The following GALNT18 variants were observed in gnomAD, a reference collection of about 807,000 sequenced individuals.
The protein encoded by GALNT18 is polypeptide N-acetylgalactosaminyltransferase 18.
A neutral mutation model predicts 69.5 loss-of-function variants in GALNT18; 44 were observed. The observed-to-expected ratio is 0.63, with a 90% CI of 0.50 to 0.81. The LOEUF is 0.81. GALNT18 is among the 40% of genes least tolerant of loss of function. The pLI, the probability that GALNT18 is intolerant of heterozygous loss-of-function variation, is 0.00. For missense variants in GALNT18, 715 were observed against 810.0 expected (o/e 0.88, Z 1.42); for synonymous variants, 364 against 318.2 (o/e 1.14, Z -1.53).
Position 11,314,014 on chromosome 11 carries a change from A to T in GALNT18, c.1512+13072T>A, listed in dbSNP as rs1849711429. 1.3e-5 allele frequency among the ~76,000 whole-genome samples: 2 copies of T among 151,944 alleles called. No homozygotes were observed. The highest frequency in any genetic ancestry group is 4.8e-5 in the African/African-American group (2 of 41,324). Reference sequence around the variant, plus strand: ...CAGGTTTGTTACTTTATTTAATAGCACCCGCCCCCATTTTACTGATCAGGG... The same window carrying T: ...CAGGTTTGTTACTTTATTTAATAGCTCCCGCCCCCATTTTACTGATCAGGG... On this transcript the variant is annotated intron_variant, in intron 9 of 10. Transcript: ENST00000227756. The surrounding 1 kb of genome is among the most constrained non-coding windows in gnomAD (Gnocchi z 5.2).
chr11:11,618,702 G>C lies in GALNT18; in HGVS notation c.235+2657C>G, dbSNP rs1009411421. Reference sequence around the variant, plus strand: ...AATCATATACCCTCTCCCTGCCTCAGTTTCCATATCTGTAAAATGGAGCAA... The same window carrying C: ...AATCATATACCCTCTCCCTGCCTCACTTTCCATATCTGTAAAATGGAGCAA... On this transcript the variant is annotated intron_variant, in intron 1 of 10. Transcript: ENST00000227756. This position sits in a 1 kb window ranked among gnomAD's most constrained non-coding sequence, Gnocchi z 6.1. Among the ~76,000 whole-genome samples the C allele has an allele frequency of 1.3e-5, 2 of 152,184 alleles. No homozygotes were observed. The highest frequency in any genetic ancestry group is 4.8e-5 in the African/African-American group (2 of 41,444).
chr11:11,471,796 G>A (rs1402347731), intron 1 of GALNT18, among the ~76,000 whole-genome samples: 1 of 152,192 alleles, frequency 6.6e-6, no homozygotes, highest in African/African-American at 2.4e-5. Context: ...ATCATCTCCT[G>A]ACCAGTGGGG....
intron 1 of GALNT18, among the ~76,000 whole-genome samples, chr11:11,537,534 AAC>A (rs1353648920): frequency 2.0e-5 from 3 of 152,174 alleles, no homozygotes; most frequent in Non-Finnish European, 4.4e-5. Context: ...CTGCCCAGAG[AAC>A]AGGAGCTTCA....
intron 10 of GALNT18, among the ~76,000 whole-genome samples, chr11:11,277,627 G>C (rs571321968): frequency 1.3e-5 from 2 of 152,178 alleles, no homozygotes; most frequent in African/African-American, 4.8e-5. Context: ...GCTTTCTCTT[G>C]TGGGCATTTA....
chr11:11,455,126 C>T (rs958861050), intron 1 of GALNT18, among the ~76,000 whole-genome samples: 4 of 152,204 alleles, frequency 2.6e-5, no homozygotes, highest in African/African-American at 9.6e-5. Context: ...CCTTGGAGCT[C>T]ACTGTCAGCT....
chr11:11,620,324 CGCGCGCGCGT>C lies in GALNT18; in HGVS notation c.235+1025_235+1034del, dbSNP rs1860157917. On this transcript the variant is annotated intron_variant, in intron 1 of 10. Transcript: ENST00000227756. The surrounding 1 kb of genome is among the most constrained non-coding windows in gnomAD (Gnocchi z 6.9). ...GAGGAAGTGTGGACGTGAGCGCGCG[CGCGCGCGCGT>C]GTGTGTGTGTGTGTGCACACCCGGC... 1.0e-5 allele frequency among the ~76,000 whole-genome samples: 1 copy of C among 99,816 alleles called. No individual in the cohort carries two copies. Among genetic ancestry groups the C allele is most frequent in the Admixed American group, 8.9e-5 (1 of 11,220 alleles). The allele number at this position is 99,816 out of a possible 152,430, so 65.5% of individuals were successfully genotyped here.
Position 11,434,050 on chromosome 11 carries a change from C to T in GALNT18, c.429-1263G>A, listed in dbSNP as rs147680874. Among the ~76,000 whole-genome samples, 23 of 152,126 alleles carry T rather than the reference C, an allele frequency of 1.5e-4. 1 individual carries two copies. In the East Asian group the frequency reaches 2.3e-3, roughly 15 times the overall value. ...AAAAGTGTTGCAGAATAGGAATGGG[C>T]CTGCTCTTCCTTAATGAGGAAGGCT... On this transcript the variant is annotated intron_variant, in intron 2 of 10. Transcript: ENST00000227756.
chr11:11,384,693 T>C (rs141066435), intron 3 of GALNT18, among the ~76,000 whole-genome samples: 277 of 152,282 alleles, frequency 1.8e-3, no homozygotes, highest in Non-Finnish European at 3.1e-3. Context: ...ATGTGAGCAG[T>C]CTGTGACCTG....
intron 1 of GALNT18, among the ~76,000 whole-genome samples, chr11:11,451,174 C>T (rs1855787790): frequency 6.6e-6 from 1 of 152,124 alleles, no homozygotes; most frequent in South Asian, 2.1e-4. Flanking sequence ...ATTCTTCTCC[C>T]CTACTAGGCA....
At chr11:11,375,408 T>C (rs1295845235) in intron 5 of GALNT18, among the ~76,000 whole-genome samples, 3 of 152,136 alleles carry the variant, frequency 2.0e-5, no homozygotes, top group Non-Finnish European at 4.4e-5. Context: ...ACCAGTACAG[T>C]TAGAGATGAG....
chr11:11,393,531 A>T (rs1437794255), intron 3 of GALNT18, among the ~76,000 whole-genome samples: 1 of 152,256 alleles, frequency 6.6e-6, no homozygotes, highest in Non-Finnish European at 1.5e-5. Context: ...GCCCCGGCCC[A>T]GGCCATGTGG....
chr11:11,286,854 G>A (rs1377234331), intron 10 of GALNT18, among the ~76,000 whole-genome samples: 2 of 152,080 alleles, frequency 1.3e-5, no homozygotes, highest in Admixed American at 1.3e-4. Context: ...TATTCAGGCT[G>A]GCCCAGTGAG....
chr11:11,406,157 T>C (rs912310378), intron 3 of GALNT18, among the ~76,000 whole-genome samples: 1 of 152,250 alleles, frequency 6.6e-6, no homozygotes, highest in Non-Finnish European at 1.5e-5. Context: ...GTGAGAGCAA[T>C]TGTATGTCAT....
intron 1 of GALNT18, among the ~76,000 whole-genome samples, chr11:11,504,840 C>T (rs1045639162): frequency 6.6e-6 from 1 of 152,054 alleles, no homozygotes; most frequent in Non-Finnish European, 1.5e-5. Flanking sequence ...TTACTGAGTG[C>T]CAATTATGTG....
intron 3 of GALNT18, among the ~76,000 whole-genome samples, chr11:11,410,010 C>A (rs539737499): frequency 6.6e-5 from 10 of 152,364 alleles, no homozygotes; most frequent in Admixed American, 2.6e-4. Context: ...TCAGCCAAGA[C>A]AACAGCATGG....
intron 1 of GALNT18, among the ~76,000 whole-genome samples, chr11:11,486,885 T>A (rs1856657557): frequency 6.6e-6 from 1 of 152,236 alleles, no homozygotes; most frequent in African/African-American, 2.4e-5. Context: ...GGATAAGAGC[T>A]GTGTATGTGA....
chr11:11,525,293 A>G (rs1301319298), intron 1 of GALNT18, among the ~76,000 whole-genome samples: 1 of 152,142 alleles, frequency 6.6e-6, no homozygotes, highest in African/African-American at 2.4e-5. Flanking sequence ...CTTACCTTCT[A>G]GGGTAATAGA....
In GALNT18 at chr11:11,596,422, A is replaced by G. The variant is rs1859502955; in HGVS notation, c.235+24937T>C. On this transcript the variant is annotated intron_variant, in intron 1 of 10. Coordinates refer to ENST00000227756, the MANE Select transcript of GALNT18 (RefSeq NM_198516.3). This position sits in a 1 kb window ranked among gnomAD's most constrained non-coding sequence, Gnocchi z 4.2. ...ATAAGCCTGTCAATTTCTGTGTAAAAGCCAGCTGGGATTTTGATAAAGATA... is the reference window on the plus strand; with the variant it reads ...ATAAGCCTGTCAATTTCTGTGTAAAGGCCAGCTGGGATTTTGATAAAGATA... Among the ~76,000 whole-genome samples, 1 of 152,190 alleles carries G rather than the reference A, an allele frequency of 6.6e-6. No homozygotes were observed. Among genetic ancestry groups the G allele is most frequent in the Non-Finnish European group, 1.5e-5 (1 of 68,024 alleles).
At position 11,296,953 on chromosome 11, in the gene GALNT18, T is replaced by A. The variant is rs75093524; in HGVS notation, c.1513-3760A>T. Among the ~76,000 whole-genome samples, 7 of 152,328 alleles carry A rather than the reference T, an allele frequency of 4.6e-5. No homozygotes were observed. The East Asian group carries it at 7.7e-4, about 17-fold the overall frequency. On this transcript the variant is annotated intron_variant, in intron 9 of 10. Transcript: ENST00000227756. ...GGTGTTCAAGATGCCCTACCTTCAG[T>A]GCCTGCAGTCCCAGCAAGCATAGCT...
Sources: gnomAD v4.1 joint callset for allele counts (sites outside exome capture counted in the v4.1 genomes callset) on GRCh38, gnomAD v4.1.1 for gene constraint, Gnocchi (gnomAD v3.1) non-coding constraint, MANE v1.5 for transcripts, NCBI Gene and HGNC (gene_info 2026-07-23, HGNC 2026-07-21) for gene names.